PAK4: variants seen among roughly 807,000 people sequenced by gnomAD.
PAK4 encodes p21 (RAC1) activated kinase 4, also known as serine/threonine-protein kinase PAK 4.
A neutral mutation model predicts 53.5 loss-of-function variants in PAK4; 49 were observed. The ratio of observed to expected loss-of-function variants is 0.92; its 90% CI spans 0.73 to 1.16. The LOEUF (loss-of-function observed/expected upper bound fraction) is 1.16, where lower values mean the gene tolerates loss of function less well. PAK4 is among the 50% of genes most tolerant of loss of function. The probability of loss-of-function intolerance (pLI) is 0.00; values close to 1 mark genes in which losing one functional copy is unlikely to be tolerated. For synonymous variants in PAK4, 376 were observed against 375.6 expected (o/e 1.00, Z -0.01); for missense variants, 824 against 850.7 (o/e 0.97, Z 0.39).
chr19:39,169,983 C>T (rs374338322), intron 2 of PAK4, among the ~76,000 whole-genome samples: 1 of 151,996 alleles, frequency 6.6e-6, no homozygotes, highest in Non-Finnish European at 1.5e-5. Context: ...GCCTCCCCCA[C>T]GGCCCATCTG....
intron 1 of PAK4, among the ~76,000 whole-genome samples, chr19:39,145,891 T>A (rs2073991415): frequency 1.3e-5 from 2 of 151,512 alleles, no homozygotes; most frequent in African/African-American, 2.4e-5. Flanking sequence ...AGGCTCTATA[T>A]CTAGCTGACC....
chr19:39,134,516 C>G (rs1473753552), intron 1 of PAK4, among the ~76,000 whole-genome samples: 1 of 149,906 alleles, frequency 6.7e-6, no homozygotes, highest in Non-Finnish European at 1.5e-5. Context: ...ATGTCCTTGT[C>G]TGTGCTTTCT....
At chr19:39,167,755 G>A (rs1355557117) in intron 1 of PAK4, among the ~76,000 whole-genome samples, 2 of 152,098 alleles carry the variant, frequency 1.3e-5, no homozygotes, top group Non-Finnish European at 2.9e-5. Context: ...CCTAGCTCTG[G>A]GCAGGGCCTC....
rs749164029 is a variant in PAK4, at chr19:39,173,542, C to T, written c.664-34C>T. ...TAGGGAGCAGAGCTGCTCCCTGGCACCCATCACTGACAGCTACCTCTCTTC... is the reference window on the plus strand; with the variant it reads ...TAGGGAGCAGAGCTGCTCCCTGGCATCCATCACTGACAGCTACCTCTCTTC... On this transcript the variant is annotated intron_variant, in intron 3 of 8. Transcript: ENST00000358301. The surrounding 1 kb of genome is among the most constrained non-coding windows in gnomAD (Gnocchi z 6.9). 2.0e-4 allele frequency: 297 copies of T among 1,488,220 alleles called. 1 individual carries two copies. The highest frequency in any genetic ancestry group is 2.5e-4 in the Admixed American group (11 of 44,182). 92.2% of individuals were successfully genotyped at this position (1,488,220 alleles called of 1,614,324 possible).
At chr19:39,181,976 C>CT (rs1239697175), downstream of PAK4, 1 of 152,262 alleles carries the variant, frequency 6.6e-6, no homozygotes, top group East Asian at 1.9e-4. Context: ...AAATAAATCC[C>CT]TGTGTGCCAC....
chr19:39,173,507 C>G lies in PAK4; in HGVS notation c.664-69C>G. Reference sequence around the variant, plus strand: ...ATGTGTCTGTCCCATCGCTGGGTCTCTCTCCTGCTTAGGGAGCAGAGCTGC... The same window carrying G: ...ATGTGTCTGTCCCATCGCTGGGTCTGTCTCCTGCTTAGGGAGCAGAGCTGC... On this transcript the variant is annotated intron_variant, in intron 3 of 8. Transcript: ENST00000358301. This position sits in a 1 kb window ranked among gnomAD's most constrained non-coding sequence, Gnocchi z 6.9. 1 of 1,399,376 alleles carries G rather than the reference C, an allele frequency of 7.1e-7. No homozygotes were observed. The highest frequency in any genetic ancestry group is 9.7e-7 in the Non-Finnish European group (1 of 1,031,438). 86.7% of individuals were successfully genotyped at this position (1,399,376 alleles called of 1,614,324 possible).
intron 6 of PAK4, among the ~76,000 whole-genome samples, chr19:39,176,262 A>T (rs545993497): frequency 2.6e-4 from 39 of 152,344 alleles, no homozygotes; most frequent in Admixed American, 2.4e-3. Flanking sequence ...GCCCCAGGGC[A>T]CAGGCTTTTG....
downstream of PAK4, chr19:39,182,000 G>C (rs560295585): frequency 7.3e-4 from 111 of 152,362 alleles, no homozygotes; most frequent in African/African-American, 2.5e-3. Flanking sequence ...AGCTGCATCA[G>C]ATGCTGGTGG....
chr19:39,175,128 G>A lies in PAK4; in HGVS notation c.1232+64G>A, dbSNP rs1003853158. 5.2e-5 allele frequency: 81 copies of A among 1,546,714 alleles called. No homozygotes were observed. Among genetic ancestry groups the A allele is most frequent in the Middle Eastern group, 2.0e-4 (1 of 4,962 alleles). ...AAGTCCCCTCCAGACCACTAGGGGT[G>A]GGGCCACATCTCCAAACCAGCTGTG... On this transcript the variant is annotated intron_variant, in intron 5 of 8. Coordinates refer to ENST00000358301, the Ensembl canonical transcript of PAK4. This position sits in a 1 kb window ranked among gnomAD's most constrained non-coding sequence, Gnocchi z 4.7.
intron 1 of PAK4, among the ~76,000 whole-genome samples, chr19:39,148,077 G>A (rs1397702520): frequency 1.3e-5 from 2 of 150,790 alleles, no homozygotes; most frequent in Admixed American, 6.6e-5. Context: ...TCAGCCTCCC[G>A]AGTAGCTGGG....
chr19:39,169,463 C>T, intron 1 of PAK4, 69 bp from the exon 3 acceptor site: 1 of 1,139,706 alleles, frequency 8.8e-7, no homozygotes, highest in Admixed American at 1.8e-5. Context: ...ATGGGAGGGA[C>T]AGAGCAGGGG....
chr19:39,136,734 T>C (rs2145127268), intron 1 of PAK4, among the ~76,000 whole-genome samples: 1 of 152,342 alleles, frequency 6.6e-6, no homozygotes, highest in East Asian at 1.9e-4. Context: ...TGGAGTGTGG[T>C]AGTCTCTCAG....
intron 1 of PAK4, among the ~76,000 whole-genome samples, chr19:39,166,224 A>G (rs951643216): frequency 6.6e-6 from 1 of 152,226 alleles, no homozygotes; most frequent in Non-Finnish European, 1.5e-5. Context: ...TGGGAAGCCA[A>G]GGCAGATCAC....
intron 1 of PAK4, among the ~76,000 whole-genome samples, chr19:39,126,857 C>T (rs1389944269): frequency 6.6e-6 from 1 of 152,196 alleles, no homozygotes; most frequent in African/African-American, 2.4e-5. Context: ...ACCTACTTTA[C>T]AGACGGGAAA....
intron 1 of PAK4, among the ~76,000 whole-genome samples, chr19:39,144,076 C>A (rs537902183): frequency 1.3e-5 from 2 of 151,646 alleles, no homozygotes; most frequent in African/African-American, 4.9e-5. Flanking sequence ...TAAGATAGAG[C>A]GAGCAAGACC....
At chr19:39,169,498 G>A (rs1364896598) in intron 1 of PAK4, 34 bp from the exon 3 acceptor site, 2 of 1,454,420 alleles carry the variant, frequency 1.4e-6, no homozygotes, top group East Asian at 2.3e-5. Flanking sequence ...ACATGGGCAG[G>A]CTCTCACTCA....
At chr19:39,137,573 GGT>G (rs1418614402) in intron 1 of PAK4, among the ~76,000 whole-genome samples, 1 of 150,012 alleles carries the variant, frequency 6.7e-6, no homozygotes, top group Non-Finnish European at 1.5e-5. Context: ...TTTCCTCTGT[GGT>G]CTGATGTGTT....
chr19:39,150,319 G>C (rs901529592), intron 1 of PAK4, among the ~76,000 whole-genome samples: 1 of 152,074 alleles, frequency 6.6e-6, no homozygotes, highest in Non-Finnish European at 1.5e-5. Flanking sequence ...GCATTTTGGA[G>C]CTCCTCTAGG....
intron 1 of PAK4, among the ~76,000 whole-genome samples, chr19:39,128,532 G>C (rs1451493431): frequency 6.6e-6 from 1 of 152,190 alleles, no homozygotes; most frequent in African/African-American, 2.4e-5. Context: ...CCCATATTCA[G>C]GTCCCTCCCT....
Sources: gnomAD v4.1 joint callset for allele counts (sites outside exome capture counted in the v4.1 genomes callset) on GRCh38, gnomAD v4.1.1 for gene constraint, Gnocchi (gnomAD v3.1) non-coding constraint, MANE v1.5 for transcripts, NCBI Gene and HGNC (gene_info 2026-07-23, HGNC 2026-07-21) for gene names.